SLC6A15: variants seen among roughly 807,000 people sequenced by gnomAD.
SLC6A15 encodes solute carrier family 6 member 15.
A neutral mutation model predicts 68.5 loss-of-function variants in SLC6A15; 33 were observed. The observed-to-expected ratio is 0.48, with a 90% CI of 0.37 to 0.64. The LOEUF (loss-of-function observed/expected upper bound fraction) is 0.64. Ranked by LOEUF, SLC6A15 falls within the 30% of genes least tolerant of loss-of-function variation. The probability of loss-of-function intolerance (pLI) is 0.00; values close to 1 mark genes in which losing one functional copy is unlikely to be tolerated. For missense variants in SLC6A15, 747 were observed against 874.3 expected, an observed-to-expected ratio of 0.85 and a Z score of 1.84; for synonymous variants, 347 against 301.0, an observed-to-expected ratio of 1.15 and a Z score of -1.58.
At chr12:84,865,389 C>T (rs1430602752) in intron 10 of SLC6A15, among the ~76,000 whole-genome samples, 2 of 152,092 alleles carry the variant, frequency 1.3e-5, no homozygotes, top group Non-Finnish European at 2.9e-5. Flanking sequence ...TGTGCATAAC[C>T]TCCTCCATTA....
intron 2 of SLC6A15, 77 bp downstream of exon 2, chr12:84,891,755 A>G (rs1872405753): frequency 1.5e-6 from 2 of 1,366,800 alleles, no homozygotes; most frequent in Non-Finnish European, 2.0e-6. Flanking sequence ...ATAATGAGAA[A>G]CAGCAATAAT....
At chr12:84,892,785 T>G (rs75110449) in intron 1 of SLC6A15, among the ~76,000 whole-genome samples, 6,142 of 152,228 alleles carry the variant, frequency 0.04, 202 homozygotes, top group Non-Finnish European at 0.058. Flanking sequence ...CTCAAAAATT[T>G]AACCTAGTTT....
chr12:84,883,977 T>G lies in SLC6A15; in HGVS notation c.638A>C (p.Asn213Thr). ...TTYYWYREAL[N>T]ISSSISESGG... is the part of the protein sequence containing the mutation. ...ACTTTCAGAAATGGAACTTGAAATA[T>G]TCAGTGCTTCCCTGTACCAGTAATA... Residue 213 changes from asparagine to threonine, a missense_variant, in exon 5 of 12, where the codon AAT (asparagine) becomes ACT (threonine). Asn to Thr is a moderately conservative substitution (Grantham distance 65). Transcript: ENST00000266682. 1 of 1,614,208 alleles carries G rather than the reference T, an allele frequency of 6.2e-7. No homozygotes were observed.
chr12:84,885,063 A>G (rs1014321940), intron 4 of SLC6A15, among the ~76,000 whole-genome samples: 5 of 152,008 alleles, frequency 3.3e-5, no homozygotes, highest in Admixed American at 6.6e-5. Context: ...ACAGAACCAA[A>G]GACATAAAAG....
chr12:84,876,990 C>A (rs1054231460), intron 5 of SLC6A15, among the ~76,000 whole-genome samples: 15 of 152,118 alleles, frequency 9.9e-5, no homozygotes, highest in African/African-American at 3.6e-4. Context: ...AGTCCTATTT[C>A]TTTTTCTTTT....
chr12:84,906,935 T>A (rs973482327), intron 1 of SLC6A15, among the ~76,000 whole-genome samples: 1 of 151,828 alleles, frequency 6.6e-6, no homozygotes, highest in Non-Finnish European at 1.5e-5. Context: ...GGCCCCAAAA[T>A]TTGAAACTTT....
At chr12:84,874,998 T>C (rs1871453698) in intron 6 of SLC6A15, among the ~76,000 whole-genome samples, 2 of 152,194 alleles carry the variant, frequency 1.3e-5, no homozygotes, top group East Asian at 3.8e-4. Flanking sequence ...ATCCCTAGTC[T>C]AGGTCAGAAA....
chr12:84,892,408 G>A (rs917922846), intron 1 of SLC6A15, 100 bp from the exon 2 acceptor site: 2 of 237,602 alleles, frequency 8.4e-6, no homozygotes, highest in African/African-American at 4.5e-5. Flanking sequence ...CCTTTCTACA[G>A]AGTATAAAAC....
At chr12:84,866,219 C>T (rs1481853879) in intron 10 of SLC6A15, among the ~76,000 whole-genome samples, 1 of 152,118 alleles carries the variant, frequency 6.6e-6, no homozygotes, top group African/African-American at 2.4e-5. Flanking sequence ...ACCTCTCAGT[C>T]CATGTATGTG....
rs1424095875 is a variant in SLC6A15, at chr12:84,873,165, G to T, written c.1031C>A (p.Thr344Asn). Residue 344 changes from threonine (T) to asparagine (N), a missense_variant, in exon 7 of 12, where the codon ACT (threonine) becomes AAT (asparagine). Thr to Asn is a moderately conservative substitution (Grantham distance 65). Transcript: ENST00000266682. Reference protein sequence around the residue: ...AVLVSFINFFTSVLATLVVFA... With the variant: ...AVLVSFINFFNSVLATLVVFA... ...CACCACCAATGTTGCCAGGACAGAA[G>T]TGAAAAAATTGATGAAGGACACCAG... The T allele has an allele frequency of 6.2e-7, 1 of 1,614,058 alleles. No homozygotes were observed.
intron 1 of SLC6A15, among the ~76,000 whole-genome samples, chr12:84,908,283 A>C (rs1260877261): frequency 6.6e-6 from 1 of 152,020 alleles, no homozygotes; most frequent in Non-Finnish European, 1.5e-5. Context: ...AATACCCTAA[A>C]ATTATGCCTT....
chr12:84,883,930 T>C lies in SLC6A15; in HGVS notation c.685A>G (p.Thr229Ala), dbSNP rs750672316. ...ACCCAGGCAGCCAACAAGCAGATGG[T>C]CATCTTCCAGTTTAAGCCCCCACTT... ...SESGGLNWKM[T>A]ICLLAAWVMV... is the part of the protein sequence containing the mutation. Residue 229 changes from threonine to alanine, a missense_variant, in exon 5 of 12, where the codon ACC becomes GCC. Transcript: ENST00000266682. The C allele has an allele frequency of 6.4e-5, 103 of 1,614,012 alleles. No individual in the cohort carries two copies. Among genetic ancestry groups the C allele is most frequent in the Non-Finnish European group, 8.2e-5 (97 of 1,180,012 alleles).
intron 4 of SLC6A15, among the ~76,000 whole-genome samples, chr12:84,884,812 T>G (rs1431764587): frequency 6.6e-6 from 1 of 152,052 alleles, no homozygotes; most frequent in African/African-American, 2.4e-5. Flanking sequence ...TATTGTGAAT[T>G]ATTATATTAA....
chr12:84,880,825 A>C (rs1315560637), intron 5 of SLC6A15: 12 of 793,078 alleles, frequency 1.5e-5, no homozygotes, highest in Admixed American at 6.2e-5. Context: ...AAGTGTTTAA[A>C]AAATCGAAAA....
At chr12:84,901,437 G>A (rs568085976) in intron 1 of SLC6A15, among the ~76,000 whole-genome samples, 242 of 151,608 alleles carry the variant, frequency 1.6e-3, no homozygotes, top group African/African-American at 5.5e-3. Context: ...TATAGAATTC[G>A]TCATCATATC....
At chr12:84,900,550 T>C (rs1872813893) in intron 1 of SLC6A15, among the ~76,000 whole-genome samples, 1 of 151,888 alleles carries the variant, frequency 6.6e-6, no homozygotes, top group Admixed American at 6.6e-5. Flanking sequence ...TTGTAGTCAA[T>C]ATTCCCCTAC....
intron 11 of SLC6A15, among the ~76,000 whole-genome samples, chr12:84,862,518 TG>T (rs1870897705): frequency 6.6e-6 from 1 of 152,204 alleles, no homozygotes; most frequent in South Asian, 2.1e-4. Flanking sequence ...AGAACGGATT[TG>T]TTTATGCCTC....
intron 5 of SLC6A15, chr12:84,883,296 G>T: frequency 1.0e-6 from 1 of 986,036 alleles, no homozygotes; most frequent in Non-Finnish European, 1.2e-6. Flanking sequence ...TTTTCAATTT[G>T]CCTTAGAAGG....
chr12:84,862,389 A>T (rs1870892071), intron 11 of SLC6A15, among the ~76,000 whole-genome samples: 1 of 152,188 alleles, frequency 6.6e-6, no homozygotes, highest in Admixed American at 6.5e-5. Context: ...GCTCTTAGCC[A>T]TTAAATTTCA....
Sources: allele counts gnomAD v4.1 joint callset (sites outside exome capture counted in the v4.1 genomes callset), GRCh38; gene constraint gnomAD v4.1.1; transcripts MANE v1.5; gene names NCBI Gene and HGNC (gene_info 2026-07-23, HGNC 2026-07-21).